Variants in FAT4 observed in about 807,000 individuals in gnomAD.
FAT4 encodes the protein protocadherin Fat 4.
Under a neutral mutation model 303.9 loss-of-function variants are expected in FAT4, and 84 were observed. The ratio of observed to expected loss-of-function variants is 0.28; its 90% CI spans 0.23 to 0.33. The LOEUF (loss-of-function observed/expected upper bound fraction) is 0.33. FAT4 is among the 10% of genes least tolerant of loss of function. The pLI, the probability that FAT4 is intolerant of heterozygous loss-of-function variation, is 1.00. For synonymous variants in FAT4, 2,307 were observed against 2,298.8 expected (o/e 1.00, Z -0.10); for missense variants, 6,005 against 6,146.8 (o/e 0.98, Z 0.77).
chr4:125,444,743 T>A (rs972607495), intron 8 of FAT4, among the ~76,000 whole-genome samples: 1 of 152,134 alleles, frequency 6.6e-6, no homozygotes, highest in East Asian at 1.9e-4. Context: ...CCTTGATCCT[T>A]GCCATTATAA....
intron 2 of FAT4, among the ~76,000 whole-genome samples, chr4:125,343,961 G>C (rs17801021): frequency 0.18 from 27,463 of 152,114 alleles, 2,961 homozygotes; most frequent in Non-Finnish European, 0.24. Context: ...TAGATGATTT[G>C]ATAAAGACTT....
intron 2 of FAT4, among the ~76,000 whole-genome samples, chr4:125,329,721 A>T (rs1731302122): frequency 1.3e-5 from 2 of 152,260 alleles, no homozygotes; most frequent in Admixed American, 1.3e-4. Flanking sequence ...CTGATATTTT[A>T]AATTAACATT....
intron 14 of FAT4, among the ~76,000 whole-genome samples, chr4:125,479,061 C>T (rs958984565): frequency 6.6e-6 from 1 of 152,150 alleles, no homozygotes; most frequent in African/African-American, 2.4e-5. Context: ...AGTACGCTTT[C>T]ACTTCAAGGC....
Position 125,315,833 on chromosome 4 carries a change from T to A in FAT4, c.-157T>A, listed in dbSNP as rs548881558. On this transcript the variant is annotated 5_prime_UTR_variant, in exon 1 of 18. Transcript: ENST00000394329. ...CTGTTGGAGGGGCGTTGCAGCCTGGTTTTTGAGGAGTGGGGACTCCAGGAA... is the reference window on the plus strand; with the variant it reads ...CTGTTGGAGGGGCGTTGCAGCCTGGATTTTGAGGAGTGGGGACTCCAGGAA... 1.3e-5 allele frequency among the ~76,000 whole-genome samples: 2 copies of A among 152,268 alleles called. No individual in the cohort carries two copies. Among genetic ancestry groups the A allele is most frequent in the East Asian group, 3.9e-4 (2 of 5,136 alleles).
At chr4:125,457,630 T>G (rs1340876467) in intron 10 of FAT4, among the ~76,000 whole-genome samples, 1 of 152,060 alleles carries the variant, frequency 6.6e-6, no homozygotes, top group Non-Finnish European at 1.5e-5. Flanking sequence ...ATAATTTTTA[T>G]ATTAATATCA....
chr4:125,353,897 G>A (rs2125980286), intron 2 of FAT4, among the ~76,000 whole-genome samples: 1 of 151,720 alleles, frequency 6.6e-6, no homozygotes, highest in African/African-American at 2.4e-5. Flanking sequence ...AAAGGTCCCA[G>A]AAATTTTCAA....
At chr4:125,408,975 A>G (rs1157796213) in intron 5 of FAT4, among the ~76,000 whole-genome samples, 181 bp downstream of exon 5, 1 of 152,152 alleles carries the variant, frequency 6.6e-6, no homozygotes, top group Non-Finnish European at 1.5e-5. Context: ...TTTATCGGTT[A>G]AATTCTTATT....
Position 125,324,306 on chromosome 4 carries a change from C to A in FAT4, c.5175+2720C>A, listed in dbSNP as rs73845976. On this transcript the variant is annotated intron_variant, in intron 2 of 17. Coordinates refer to ENST00000394329, the MANE Select transcript of FAT4 (RefSeq NM_001291303.3). ...TTAATGTGTATTACATAGGAACATGCAACTTAGGAACGTGGTTAGACCTCA... is the reference window on the plus strand; with the variant it reads ...TTAATGTGTATTACATAGGAACATGAAACTTAGGAACGTGGTTAGACCTCA... 8.6e-3 allele frequency among the ~76,000 whole-genome samples: 1,295 copies of A among 151,096 alleles called. 17 individuals carry two copies. Among genetic ancestry groups the A allele is most frequent in the African/African-American group, 0.03 (1,224 of 41,044 alleles).
In FAT4 at chr4:125,320,075, T is replaced by A; in HGVS notation, c.3664T>A (p.Ser1222Thr). ...CTTTTACCAAGCTACAATATCAGAA[T>A]CAGCAGCCAATCTGACACAAGTGTT... is the stretch of plus-strand genomic sequence containing the variant. ...KDFYQATISE[S>T]AANLTQVLRV... Residue 1222 changes from serine to threonine, a missense_variant, in exon 2 of 18, where the codon TCA becomes ACA. Transcript: ENST00000394329. 1 of 1,613,956 alleles carries A rather than the reference T, an allele frequency of 6.2e-7. No individual in the cohort carries two copies. Among genetic ancestry groups the A allele is most frequent in the African/African-American group, 1.3e-5 (1 of 75,048 alleles).
intron 2 of FAT4, among the ~76,000 whole-genome samples, chr4:125,342,714 AT>A (rs1284952332): frequency 7.2e-6 from 1 of 139,474 alleles, no homozygotes; most frequent in Non-Finnish European, 1.7e-5. Flanking sequence ...TTTGAATTTT[AT>A]TTTTTTATTA....
Position 125,440,606 on chromosome 4 carries a change from TGTGTGAGAGAGA to T in FAT4, c.7200-5685_7200-5674del, listed in dbSNP as rs1447284904. ...TTGTGTGTGTGTGTGTGTGTGTGTGTGTGTGAGAGAGAGAGAGAGAGAGAGAGAGAGAGAGAG... is the reference window on the plus strand; with the variant it reads ...TTGTGTGTGTGTGTGTGTGTGTGTGTGAGAGAGAGAGAGAGAGAGAGAGAG... On this transcript the variant is annotated intron_variant, in intron 8 of 17. Coordinates refer to ENST00000394329, the MANE Select transcript of FAT4 (RefSeq NM_001291303.3). Among the ~76,000 whole-genome samples the T allele has an allele frequency of 9.5e-3, 284 of 29,752 alleles. 1 individual carries two copies. The highest frequency in any genetic ancestry group is 0.016 in the Non-Finnish European group (202 of 12,710). The allele number at this position is 29,752 out of a possible 152,430, so 19.5% of individuals were successfully genotyped here. A position where few individuals can be genotyped will look rare whatever the true frequency, so the allele number is the denominator to read the frequency against.
intron 4 of FAT4, among the ~76,000 whole-genome samples, chr4:125,407,484 A>T (rs1734663703): frequency 6.6e-6 from 1 of 151,722 alleles, no homozygotes; most frequent in African/African-American, 2.4e-5. Context: ...ACAGCAAAAA[A>T]AAAATACATG....
rs773388017 is a variant in FAT4, at chr4:125,319,043, A to G, written c.2632A>G (p.Met878Val). ...ASGGTVTGDT[M>V]VNITVKDLND... ...TGGGGGCACAGTGACTGGAGACACT[A>G]TGGTTAACATAACAGTTAAGGATTT... The change falls in exon 2 of 18, where the codon ATG (methionine) becomes GTG (valine). Residue 878 changes from methionine (M) to valine (V), a missense_variant. Physicochemically the swap from Met to Val is conservative, Grantham distance 21. Transcript: ENST00000394329. The G allele has an allele frequency of 1.2e-6, 2 of 1,614,152 alleles. No individual in the cohort carries two copies. The highest frequency in any genetic ancestry group is 8.5e-7 in the Non-Finnish European group (1 of 1,180,032).
chr4:125,478,563 G>A (rs965188162), intron 14 of FAT4, among the ~76,000 whole-genome samples: 15 of 152,018 alleles, frequency 9.9e-5, no homozygotes, highest in African/African-American at 1.9e-4. Flanking sequence ...ACAGAGTCTT[G>A]TTCTGTCGCC....
chr4:125,362,811 G>C (rs1434913421), intron 2 of FAT4: 1 of 152,106 alleles, frequency 6.6e-6, no homozygotes, highest in African/African-American at 2.4e-5. Flanking sequence ...TATGTCAAAA[G>C]GGAAGATAGC....
chr4:125,469,043 G>A (rs767768658), intron 12 of FAT4, among the ~76,000 whole-genome samples: 12 of 152,128 alleles, frequency 7.9e-5, no homozygotes, highest in Admixed American at 4.6e-4. Flanking sequence ...TAATTTCATT[G>A]ATATTTTTTG....
At chr4:125,404,056 G>A (rs1416065671) in intron 3 of FAT4, among the ~76,000 whole-genome samples, 1 of 152,076 alleles carries the variant, frequency 6.6e-6, no homozygotes, top group East Asian at 1.9e-4. Flanking sequence ...GCTCAAGGTG[G>A]CGTTTAGCAG....
chr4:125,475,775 G>C (rs556616278), intron 12 of FAT4, among the ~76,000 whole-genome samples: 41 of 152,128 alleles, frequency 2.7e-4, no homozygotes, highest in Middle Eastern at 3.4e-3. Context: ...CAAAAATTAA[G>C]TGTCTTTTGT....
rs1220275470 is a variant in FAT4 at position 125,452,392 on chromosome 4, G to A, written c.11382G>A (p.Arg3794=). 5 of 1,614,164 alleles carry A rather than the reference G, an allele frequency of 3.1e-6. No individual in the cohort carries two copies. The highest frequency in any genetic ancestry group is 4.2e-6 in the Non-Finnish European group (5 of 1,180,034). Residue 3794 remains arginine (R), a synonymous_variant, in exon 10 of 18, where the codon CGG becomes CGA. Coordinates refer to ENST00000394329, the MANE Select transcript of FAT4 (RefSeq NM_001291303.3). ...AAAGCATCAAAGAGATCCTTCTCCG[G>A]CAGAGTGGAGTAAAGGTGGAATCTG... ...FFESIKEILL[R]QSGVKVESVD...
Sources: allele counts gnomAD v4.1 joint callset (sites outside exome capture counted in the v4.1 genomes callset), GRCh38; gene constraint gnomAD v4.1.1; transcripts MANE v1.5; gene names NCBI Gene and HGNC (gene_info 2026-07-23, HGNC 2026-07-21).